The following STT3B variants were observed in gnomAD, a reference collection of about 807,000 sequenced individuals.
STT3B encodes the protein STT3 oligosaccharyltransferase complex catalytic subunit B, also known as dolichyl-diphosphooligosaccharide--protein glycosyltransferase subunit STT3B.
STT3B carries 29 observed loss-of-function variants against 96.8 expected under a neutral mutation model. That is an observed-to-expected ratio of 0.30 (90% CI 0.22 to 0.41). STT3B has a LOEUF of 0.41. Ranked by LOEUF, STT3B falls within the 10% of genes least tolerant of loss-of-function variation. The probability of loss-of-function intolerance (pLI) is 1.00; values close to 1 mark genes in which losing one functional copy is unlikely to be tolerated. For missense variants in STT3B, 640 were observed against 1,022.3 expected (o/e 0.63, Z 5.10); for synonymous variants, 367 against 360.0 (o/e 1.02, Z -0.22).
At chr3:31,564,080 T>A (rs944780595) in intron 1 of STT3B, among the ~76,000 whole-genome samples, 6 of 152,160 alleles carry the variant, frequency 3.9e-5, no homozygotes, top group African/African-American at 1.4e-4. Flanking sequence ...ATTCCCTGAA[T>A]GAAAATTTAA....
At chr3:31,537,589 T>G (rs1697134280) in intron 1 of STT3B, among the ~76,000 whole-genome samples, 1 of 152,210 alleles carries the variant, frequency 6.6e-6, no homozygotes, top group African/African-American at 2.4e-5. Context: ...TTAGGGTCTG[T>G]CATGAATGCC....
intron 1 of STT3B, among the ~76,000 whole-genome samples, chr3:31,538,991 G>A (rs1697166440): frequency 6.6e-6 from 1 of 152,080 alleles, no homozygotes; most frequent in African/African-American, 2.4e-5. Flanking sequence ...TAGCGTTGGG[G>A]GAGATAGGAT....
rs780520962 is a variant in STT3B at position 31,636,083 on chromosome 3, T to C, written c.*19T>C. The C allele has an allele frequency of 5.1e-6, 8 of 1,571,022 alleles. No individual in the cohort carries two copies. Among genetic ancestry groups the C allele is most frequent in the Non-Finnish European group, 6.1e-6 (7 of 1,156,864 alleles). ...TGTTTAAATGCACTGTTCTGGTTCC[T>C]AACTTGAAGCAGTTGTCCTTGTGAG... is the stretch of plus-strand genomic sequence containing the variant. On this transcript the variant is annotated 3_prime_UTR_variant, in exon 16 of 16. Coordinates refer to ENST00000295770, the MANE Select transcript of STT3B (RefSeq NM_178862.3).
At chr3:31,635,287 A>G (rs558833505) in intron 15 of STT3B, among the ~76,000 whole-genome samples, 1 of 152,352 alleles carries the variant, frequency 6.6e-6, no homozygotes, top group African/African-American at 2.4e-5. Flanking sequence ...GGGTTCTAAC[A>G]TAAATATTTT....
Position 31,574,576 on chromosome 3 carries a change from T to C in STT3B, c.315-1820T>C, listed in dbSNP as rs183567251. On this transcript the variant is annotated intron_variant, in intron 1 of 15. Transcript: ENST00000295770. ...GCATTTGAAGATATCCCTTTTTAAA[T>C]TCTGATCTGGTAAATACTTCTTGGA... 2.2e-3 allele frequency among the ~76,000 whole-genome samples: 336 copies of C among 152,272 alleles called. 3 individuals are homozygous for C. Among genetic ancestry groups the C allele is most frequent in the African/African-American group, 7.7e-3 (320 of 41,564 alleles).
chr3:31,617,124 T>C, intron 7 of STT3B, 49 bp downstream of exon 7: 1 of 1,354,996 alleles, frequency 7.4e-7, no homozygotes, highest in Non-Finnish European at 9.7e-7. Flanking sequence ...ACAAACAATA[T>C]AAGAAAAATA....
At chr3:31,533,903 C>A (rs1445174966) in intron 1 of STT3B, among the ~76,000 whole-genome samples, 1 of 152,058 alleles carries the variant, frequency 6.6e-6, no homozygotes, top group African/African-American at 2.4e-5. Flanking sequence ...TCTCATGATA[C>A]GAGAAGGGAA....
chr3:31,631,245 G>A (rs986638482), intron 14 of STT3B, among the ~76,000 whole-genome samples: 6 of 152,048 alleles, frequency 3.9e-5, no homozygotes, highest in Admixed American at 2.6e-4. Context: ...TTATTCACTT[G>A]GAATTACTCT....
chr3:31,601,112 A>G (rs919715469), intron 5 of STT3B, among the ~76,000 whole-genome samples: 3 of 152,162 alleles, frequency 2.0e-5, no homozygotes, highest in Non-Finnish European at 2.9e-5. Flanking sequence ...ATCTTAATTA[A>G]ATTCATTTTC....
At chr3:31,559,181 GTGT>G (rs1697800738) in intron 1 of STT3B, among the ~76,000 whole-genome samples, 1 of 145,216 alleles carries the variant, frequency 6.9e-6, no homozygotes, top group Admixed American at 6.8e-5. Flanking sequence ...GTGTGTGTGT[GTGT>G]GTGTGTTGTC....
chr3:31,590,744 T>C (rs934304553), intron 3 of STT3B, among the ~76,000 whole-genome samples: 1 of 152,112 alleles, frequency 6.6e-6, no homozygotes, highest in Non-Finnish European at 1.5e-5. Context: ...AATAAAATTT[T>C]ACTGGAACAC....
At chr3:31,594,058 G>C (rs949574614) in intron 3 of STT3B, among the ~76,000 whole-genome samples, 4 of 152,142 alleles carry the variant, frequency 2.6e-5, no homozygotes, top group Non-Finnish European at 5.9e-5. Flanking sequence ...CAAAGCCTCT[G>C]CTACTGGACT....
At chr3:31,543,074 A>AAAAAAAAG (rs1421435952) in intron 1 of STT3B, among the ~76,000 whole-genome samples, 6 of 151,668 alleles carry the variant, frequency 4.0e-5, no homozygotes, top group African/African-American at 1.4e-4. Context: ...TCACAAAAAA[A>AAAAAAAAG]AAAAAAAAAA....
At chr3:31,547,290 A>T (rs1433999361) in intron 1 of STT3B, among the ~76,000 whole-genome samples, 3 of 152,164 alleles carry the variant, frequency 2.0e-5, no homozygotes, top group Admixed American at 6.5e-5. Flanking sequence ...GTAGTGGCGA[A>T]ATATTTTGCA....
chr3:31,561,449 A>T lies in STT3B; in HGVS notation c.315-14947A>T, dbSNP rs537067299. ...ACAATCCAATTACATTCTTTTTTTT[A>T]AAATATACAGTTAGGTTATTATTGA... On this transcript the variant is annotated intron_variant, in intron 1 of 15. Transcript: ENST00000295770. 1.1e-3 allele frequency among the ~76,000 whole-genome samples: 167 copies of T among 152,132 alleles called. 1 individual carries two copies. The highest frequency in any genetic ancestry group is 1.9e-3 in the Non-Finnish European group (132 of 67,976).
At chr3:31,546,135 T>C (rs778447989) in intron 1 of STT3B, among the ~76,000 whole-genome samples, 3 of 152,228 alleles carry the variant, frequency 2.0e-5, no homozygotes, top group Non-Finnish European at 4.4e-5. Context: ...CTGGGGTATA[T>C]ACCTGGGAGT....
At chr3:31,632,323 T>G (rs1202578621) in intron 14 of STT3B, among the ~76,000 whole-genome samples, 2 of 152,230 alleles carry the variant, frequency 1.3e-5, no homozygotes, top group Non-Finnish European at 2.9e-5. Flanking sequence ...AATTGGGATA[T>G]AAAGCTACAC....
At chr3:31,534,905 T>C (rs1364104701) in intron 1 of STT3B, among the ~76,000 whole-genome samples, 1 of 152,232 alleles carries the variant, frequency 6.6e-6, no homozygotes. Flanking sequence ...CTGTGAAGGC[T>C]TATTGACACA....
chr3:31,596,587 A>G (rs1698796910), intron 3 of STT3B, among the ~76,000 whole-genome samples: 1 of 152,242 alleles, frequency 6.6e-6, no homozygotes, highest in African/African-American at 2.4e-5. Context: ...ACTACATAAC[A>G]GAGAATGAGA....
Sources: allele counts gnomAD v4.1 joint callset (sites outside exome capture counted in the v4.1 genomes callset), GRCh38; gene constraint gnomAD v4.1.1; transcripts MANE v1.5; gene names NCBI Gene and HGNC (gene_info 2026-07-23, HGNC 2026-07-21).